GRM7: variants seen among roughly 807,000 people sequenced by gnomAD.
GRM7 encodes glutamate metabotropic receptor 7.
A neutral mutation model predicts 84.5 loss-of-function variants in GRM7; 35 were observed. The ratio of observed to expected loss-of-function variants is 0.41; its 90% confidence interval spans 0.32 to 0.55. GRM7 has a LOEUF of 0.55. Ranked by LOEUF, GRM7 falls within the 20% of genes least tolerant of loss-of-function variation. The probability of loss-of-function intolerance (pLI) is 0.19; values close to 1 mark genes in which losing one functional copy is unlikely to be tolerated. For missense variants in GRM7, 1,003 were observed against 1,194.6 expected, an observed-to-expected ratio of 0.84 and a Z score of 2.36; for synonymous variants, 487 against 455.1, an observed-to-expected ratio of 1.07 and a Z score of -0.89.
intron 2 of GRM7, among the ~76,000 whole-genome samples, chr3:7,273,684 A>G (rs1698948424): frequency 6.6e-6 from 1 of 151,702 alleles, no homozygotes; most frequent in Admixed American, 6.6e-5. Context: ...TTTTCTTTTG[A>G]TTAGTGTTAG....
intron 5 of GRM7, among the ~76,000 whole-genome samples, chr3:7,446,294 G>A (rs938622572): frequency 2.0e-5 from 3 of 152,110 alleles, no homozygotes; most frequent in Non-Finnish European, 2.9e-5. Context: ...CACATGAGAA[G>A]CCTTATGCTG....
intron 4 of GRM7, among the ~76,000 whole-genome samples, chr3:7,337,955 G>A (rs1362070645): frequency 1.3e-5 from 2 of 151,872 alleles, no homozygotes; most frequent in African/African-American, 4.8e-5. Flanking sequence ...GCACATGCAT[G>A]TTTATAGTAG....
chr3:7,331,281 C>G (rs942813662), intron 4 of GRM7, among the ~76,000 whole-genome samples: 1 of 152,112 alleles, frequency 6.6e-6, no homozygotes, highest in South Asian at 2.1e-4. Context: ...GTAGAGTGAG[C>G]GTGTCTGAAA....
At chr3:7,713,845 C>A in intron 9 of GRM7, among the ~76,000 whole-genome samples, 1 of 125,302 alleles carries the variant, frequency 8.0e-6, no homozygotes, top group South Asian at 2.6e-4. Context: ...GTAGAGTTTG[C>A]CTTGAGACAT....
intron 7 of GRM7, among the ~76,000 whole-genome samples, chr3:7,471,697 G>A (rs1489931846): frequency 6.6e-6 from 1 of 152,056 alleles, no homozygotes; most frequent in African/African-American, 2.4e-5. Context: ...TATTCCAACT[G>A]CAAAGTCCCT....
intron 2 of GRM7, among the ~76,000 whole-genome samples, chr3:7,298,121 A>G (rs1029485042): frequency 2.6e-5 from 4 of 152,298 alleles, no homozygotes; most frequent in Non-Finnish European, 4.4e-5. Context: ...GCTTAGGCAC[A>G]TAGTATGTTG....
intron 1 of GRM7, among the ~76,000 whole-genome samples, chr3:6,889,307 G>T (rs1308042005): frequency 6.6e-6 from 1 of 152,078 alleles, no homozygotes; most frequent in Admixed American, 6.5e-5. Context: ...CCTTTCTTGT[G>T]CCAGTTTTCA....
intron 1 of GRM7, among the ~76,000 whole-genome samples, chr3:6,938,642 G>T (rs1697776886): frequency 6.6e-6 from 1 of 152,178 alleles, no homozygotes; most frequent in South Asian, 2.1e-4. Flanking sequence ...AAGGAGGGAG[G>T]TGAGGAGAGG....
chr3:7,006,479 G>A (rs1159471666), intron 1 of GRM7, among the ~76,000 whole-genome samples: 1 of 152,168 alleles, frequency 6.6e-6, no homozygotes, highest in Non-Finnish European at 1.5e-5. Flanking sequence ...TGTAAAGACT[G>A]TTCATCTAAT....
At chr3:7,681,119 A>AT (rs753311476) in intron 9 of GRM7, 1 of 152,238 alleles carries the variant, frequency 6.6e-6, no homozygotes, top group Non-Finnish European at 1.5e-5. Context: ...GTAAGAGTAA[A>AT]TTTCAGATTT....
intron 8 of GRM7, among the ~76,000 whole-genome samples, chr3:7,587,337 C>T (rs1028459287): frequency 1.3e-5 from 2 of 152,210 alleles, no homozygotes; most frequent in Non-Finnish European, 2.9e-5. Flanking sequence ...TTTAAACACT[C>T]TCTACCACAT....
At chr3:6,974,739 A>C (rs1693922479) in intron 1 of GRM7, among the ~76,000 whole-genome samples, 1 of 152,214 alleles carries the variant, frequency 6.6e-6, no homozygotes, top group Admixed American at 6.5e-5. Context: ...TTTTGTGAAC[A>C]TAACAAGGGC....
At chr3:7,335,216 C>T (rs1307236804) in intron 4 of GRM7, among the ~76,000 whole-genome samples, 1 of 152,124 alleles carries the variant, frequency 6.6e-6, no homozygotes, top group Non-Finnish European at 1.5e-5. Context: ...CAAGTACTCT[C>T]TCAGACCACA....
intron 1 of GRM7, among the ~76,000 whole-genome samples, chr3:7,101,606 C>G (rs985492154): frequency 6.6e-6 from 1 of 151,070 alleles, no homozygotes; most frequent in Non-Finnish European, 1.5e-5. Flanking sequence ...TATATTTATT[C>G]TATTTGACTT....
intron 8 of GRM7, among the ~76,000 whole-genome samples, chr3:7,620,365 A>G (rs1055149947): frequency 2.6e-5 from 4 of 152,162 alleles, no homozygotes; most frequent in Non-Finnish European, 5.9e-5. Flanking sequence ...CTATTTGCTC[A>G]ACTAAATACA....
intron 8 of GRM7, among the ~76,000 whole-genome samples, chr3:7,588,861 G>T (rs1354651708): frequency 6.6e-6 from 1 of 152,186 alleles, no homozygotes; most frequent in Non-Finnish European, 1.5e-5. Context: ...TCTCACGTTA[G>T]TGATTTATCA....
At chr3:7,142,939 C>T (rs1018895176) in intron 1 of GRM7, among the ~76,000 whole-genome samples, 5 of 151,980 alleles carry the variant, frequency 3.3e-5, no homozygotes, top group Admixed American at 6.6e-5. Context: ...ACAATATGGT[C>T]CTGTGATACA....
chr3:7,174,125 G>T (rs1695070059), intron 2 of GRM7, among the ~76,000 whole-genome samples: 1 of 152,142 alleles, frequency 6.6e-6, no homozygotes, highest in Admixed American at 6.5e-5. Context: ...CTAGGGGTGG[G>T]AGTATGGATG....
intron 1 of GRM7, among the ~76,000 whole-genome samples, chr3:7,009,501 T>A (rs932693100): frequency 6.6e-6 from 1 of 152,196 alleles, no homozygotes; most frequent in Non-Finnish European, 1.5e-5. Context: ...TAAAAAATGA[T>A]AAGTAGATAT....
Sources: allele counts gnomAD v4.1 joint callset (sites outside exome capture counted in the v4.1 genomes callset), GRCh38; gene constraint gnomAD v4.1.1; transcripts MANE v1.5; gene names NCBI Gene and HGNC (gene_info 2026-07-23, HGNC 2026-07-21).